EIF3E: variants seen among roughly 807,000 people sequenced by gnomAD.
The protein encoded by EIF3E is eIF-3 p48.
Under a neutral mutation model 59.3 loss-of-function variants are expected in EIF3E, and 25 were observed. That is an observed-to-expected ratio of 0.42 (90% CI 0.31 to 0.59). The LOEUF (loss-of-function observed/expected upper bound fraction) is 0.59. EIF3E is among the 20% of genes least tolerant of loss of function. The probability of loss-of-function intolerance (pLI) is 0.15; values close to 1 mark genes in which losing one functional copy is unlikely to be tolerated. For missense variants in EIF3E, 317 were observed against 534.3 expected (o/e 0.59, Z 4.01); for synonymous variants, 176 against 170.2 (o/e 1.03, Z -0.26).
At chr8:108,204,475 C>A (rs1341422418) in intron 10 of EIF3E, among the ~76,000 whole-genome samples, 1 of 151,834 alleles carries the variant, frequency 6.6e-6, no homozygotes, top group African/African-American at 2.4e-5. Context: ...CTTATGTTCT[C>A]CTTTATAAGT....
chr8:108,210,168 A>G (rs552550430), intron 10 of EIF3E, among the ~76,000 whole-genome samples: 2 of 151,958 alleles, frequency 1.3e-5, no homozygotes, highest in African/African-American at 4.8e-5. Flanking sequence ...TCAGTCATAT[A>G]GTATTTCTGT....
At chr8:108,238,966 A>G (rs1021459229) in intron 3 of EIF3E, among the ~76,000 whole-genome samples, 1 of 152,218 alleles carries the variant, frequency 6.6e-6, no homozygotes, top group African/African-American at 2.4e-5. Context: ...GACTAAGGCA[A>G]TATGTTTTCT....
chr8:108,242,502 T>C (rs1815857322), intron 1 of EIF3E: 2 of 1,188,906 alleles, frequency 1.7e-6, no homozygotes, highest in Non-Finnish European at 2.1e-6. Context: ...GTAAAGATTC[T>C]ACAAAATATT....
chr8:108,224,724 G>A (rs1174947201), intron 7 of EIF3E, among the ~76,000 whole-genome samples: 4 of 151,318 alleles, frequency 2.6e-5, no homozygotes, highest in Non-Finnish European at 5.9e-5. Context: ...TTCTTACTGG[G>A]GCAATAAAAA....
intron 5 of EIF3E, among the ~76,000 whole-genome samples, chr8:108,231,305 ACTTT>A (rs1160353624): frequency 6.6e-6 from 1 of 152,148 alleles, no homozygotes; most frequent in African/African-American, 2.4e-5. Context: ...CAGTAAAGAC[ACTTT>A]CTGATTTCAG....
intron 1 of EIF3E, chr8:108,242,310 C>T (rs1160895948): frequency 2.3e-6 from 3 of 1,289,826 alleles, no homozygotes; most frequent in Non-Finnish European, 3.0e-6. Flanking sequence ...CAGTAATAAA[C>T]TCCTATATGC....
intron 7 of EIF3E, among the ~76,000 whole-genome samples, chr8:108,225,845 T>TA (rs1180482810): frequency 6.6e-6 from 1 of 151,934 alleles, no homozygotes; most frequent in African/African-American, 2.4e-5. Context: ...TGCAAAAATG[T>TA]AAAGCAATGT....
At chr8:108,201,997 AAC>A in intron 12 of EIF3E, 74 bp from the exon 13 acceptor site, 2 of 1,375,104 alleles carry the variant, frequency 1.5e-6, no homozygotes, top group Non-Finnish European at 9.8e-7. Context: ...AGAAGAAAGT[AAC>A]ACAGCATTTA....
intron 2 of EIF3E, among the ~76,000 whole-genome samples, chr8:108,241,383 C>G (rs1000497069): frequency 3.9e-5 from 6 of 151,946 alleles, no homozygotes; most frequent in African/African-American, 1.5e-4. Flanking sequence ...ACTGATGATG[C>G]TGGTCCTGGG....
At chr8:108,217,194 C>G in intron 8 of EIF3E, 140 bp downstream of exon 8, 1 of 659,744 alleles carries the variant, frequency 1.5e-6, no homozygotes, top group Non-Finnish European at 2.4e-6. Context: ...AGGGTCTTCT[C>G]TTTTCTAAAC....
intron 7 of EIF3E, 91 bp from the exon 8 acceptor site, chr8:108,217,551 A>G: frequency 1.9e-6 from 2 of 1,039,138 alleles, no homozygotes; most frequent in East Asian, 2.7e-5. Context: ...CTATTTCACT[A>G]GCCTAAGACT....
In EIF3E at chr8:108,217,423, G is replaced by T; in HGVS notation, c.760C>A (p.Leu254Ile). The T allele has an allele frequency of 2.5e-6, 4 of 1,604,694 alleles. No individual in the cohort carries two copies. Among genetic ancestry groups the T allele is most frequent in the Non-Finnish European group, 2.6e-6 (3 of 1,176,062 alleles). Residue 254 changes from leucine (L) to isoleucine (I), a missense_variant, in exon 8 of 13, where the codon CTT becomes ATT. By Grantham distance (5) the Leu-to-Ile change is conservative (BLOSUM62 2). This residue lies in a region of EIF3E where 242 missense variants were observed against 398.0 expected (regional missense o/e 0.61). Transcript: ENST00000220849. The stretch of plus-strand genomic sequence containing the variant: ...ATGACTGCTGTAGTCAAATAGCGAA[G>T]AATGTGTGGACACATTGTCTGAATT... ...NAIQTMCPHI[L>I]RYLTTAVITN... is the part of the protein sequence containing the mutation.
At chr8:108,234,007 C>T (rs576198699) in intron 5 of EIF3E, among the ~76,000 whole-genome samples, 9 of 151,994 alleles carry the variant, frequency 5.9e-5, no homozygotes, top group South Asian at 2.1e-4. Context: ...AGAGTGAGAA[C>T]GAAGTACATC....
rs144465641 is a variant in EIF3E at position 108,223,409 on chromosome 8, A to G, written c.722+4858T>C. Among the ~76,000 whole-genome samples, 12 of 152,310 alleles carry G rather than the reference A, an allele frequency of 7.9e-5. No homozygotes were observed. The East Asian group carries it at 1.7e-3, about 22-fold the overall frequency. ...AAAGCAGGTAAACTATCTGCACGAC[A>G]AAGAGTTTTTTTTACCAGGAACTAA... On this transcript the variant is annotated intron_variant, in intron 7 of 12. Transcript: ENST00000220849.
At chr8:108,215,261 A>G (rs1236338065) in intron 9 of EIF3E, among the ~76,000 whole-genome samples, 5 of 151,308 alleles carry the variant, frequency 3.3e-5, no homozygotes, top group African/African-American at 9.8e-5. Flanking sequence ...GCAATATATG[A>G]CTACAAAAAA....
At position 108,229,262 on chromosome 8, in the gene EIF3E, A is replaced by C. The variant is rs753166267; in HGVS notation, c.472-67T>G. 9.3e-6 allele frequency: 14 copies of C among 1,506,598 alleles called. 1 individual carries two copies. The highest frequency in any genetic ancestry group is 1.2e-5 in the Non-Finnish European group (13 of 1,102,818). 93.3% of individuals were successfully genotyped at this position (1,506,598 alleles called of 1,614,324 possible). On this transcript the variant is annotated intron_variant, in intron 5 of 12. Transcript: ENST00000220849. ...GAAAAATGAACATAATGTATGTTTT[A>C]TACCCATGTATCCCTCTAGCCTACT...
At position 108,242,772 on chromosome 8, in the gene EIF3E, A is replaced by G. The variant is rs77152008; in HGVS notation, c.91-859T>C. The G allele has an allele frequency of 2.5e-4, 147 of 598,866 alleles. 2 individuals carry two copies. In the East Asian group the frequency reaches 0.015, roughly 61 times the overall value. The allele number at this position is 598,866 out of a possible 1,614,324, so 37.1% of individuals were successfully genotyped here. On this transcript the variant is annotated intron_variant, in intron 1 of 12. Coordinates refer to ENST00000220849, the MANE Select transcript of EIF3E (RefSeq NM_001568.3). ...GCACTTCGCAAAAGAAGACAACCAA[A>G]TGGCCAACAGACACATGAAAAGGTT...
chr8:108,234,977 A>AC (rs1463993595), intron 5 of EIF3E, 21 bp downstream of exon 5: 2 of 1,431,920 alleles, frequency 1.4e-6, no homozygotes, highest in Admixed American at 2.3e-5. Context: ...AAAAAAAAAA[A>AC]AAACATGTAC....
At chr8:108,207,086 T>C (rs1202597777) in intron 10 of EIF3E, among the ~76,000 whole-genome samples, 3 of 152,214 alleles carry the variant, frequency 2.0e-5, no homozygotes, top group Non-Finnish European at 2.9e-5. Flanking sequence ...TAGTAAATAA[T>C]TGATGGCATC....
Sources: allele counts gnomAD v4.1 joint callset (sites outside exome capture counted in the v4.1 genomes callset), GRCh38; gene constraint gnomAD v4.1.1; regional missense constraint gnomAD v4.1.1; transcripts MANE v1.5; gene names NCBI Gene and HGNC (gene_info 2026-07-23, HGNC 2026-07-21).